Variants in COL8A1 observed in about 807,000 individuals in gnomAD.
COL8A1 encodes collagen alpha-1(VIII) chain.
A neutral mutation model predicts 42.7 loss-of-function variants in COL8A1; 21 were observed. The observed-to-expected ratio is 0.49, with a 90% confidence interval of 0.35 to 0.71. COL8A1 has a LOEUF of 0.71. Among genes scored for constraint, COL8A1 ranks in the 30% least tolerant of loss-of-function variants. The probability of loss-of-function intolerance (pLI) is 0.01; values close to 1 mark genes in which losing one functional copy is unlikely to be tolerated. For synonymous variants in COL8A1, 367 were observed against 369.1 expected, an observed-to-expected ratio of 0.99 and a Z score of 0.06; for missense variants, 788 against 962.4, an observed-to-expected ratio of 0.82 and a Z score of 2.40.
At chr3:99,686,322 G>A (rs1648828345) in intron 1 of COL8A1, among the ~76,000 whole-genome samples, 1 of 152,122 alleles carries the variant, frequency 6.6e-6, no homozygotes, top group South Asian at 2.1e-4. Context: ...AACAATGTAT[G>A]AAAACAAAGA....
chr3:99,764,789 A>G (rs1054451506), intron 2 of COL8A1, among the ~76,000 whole-genome samples: 51 of 140,666 alleles, frequency 3.6e-4, no homozygotes, highest in Middle Eastern at 8.5e-3. Flanking sequence ...CAACCTCTGC[A>G]GTCAGGCAGA....
At chr3:99,785,235 A>G (rs1347559994) in intron 2 of COL8A1, among the ~76,000 whole-genome samples, 1 of 152,214 alleles carries the variant, frequency 6.6e-6, no homozygotes, top group Non-Finnish European at 1.5e-5. Flanking sequence ...GCTTTCTGTC[A>G]ACAACCTCTG....
At chr3:99,727,789 C>T (rs1424718949) in intron 1 of COL8A1, among the ~76,000 whole-genome samples, 2 of 151,948 alleles carry the variant, frequency 1.3e-5, no homozygotes, top group Non-Finnish European at 2.9e-5. Flanking sequence ...AAAGCTTATC[C>T]ACCATGATCA....
chr3:99,727,407 C>T (rs1174425993), intron 1 of COL8A1, among the ~76,000 whole-genome samples: 1 of 152,086 alleles, frequency 6.6e-6, no homozygotes, highest in African/African-American at 2.4e-5. Flanking sequence ...CCCTTTATTT[C>T]CTTCTCCTGC....
At chr3:99,737,430 C>A (rs1043902656) in intron 1 of COL8A1, among the ~76,000 whole-genome samples, 1 of 151,936 alleles carries the variant, frequency 6.6e-6, no homozygotes, top group Non-Finnish European at 1.5e-5. Flanking sequence ...CTGGTGGTGA[C>A]AAAATCTCCA....
At chr3:99,729,403 G>C (rs1227755626) in intron 1 of COL8A1, among the ~76,000 whole-genome samples, 1 of 151,764 alleles carries the variant, frequency 6.6e-6, no homozygotes, top group Non-Finnish European at 1.5e-5. Flanking sequence ...ATTTAGGTTT[G>C]GCTTCTTTGA....
At chr3:99,775,426 A>T (rs561248220) in intron 2 of COL8A1, among the ~76,000 whole-genome samples, 1 of 152,302 alleles carries the variant, frequency 6.6e-6, no homozygotes, top group African/African-American at 2.4e-5. Context: ...AGCCTTGCCA[A>T]TGACCAGGAT....
intron 1 of COL8A1, among the ~76,000 whole-genome samples, chr3:99,647,829 A>G (rs932578350): frequency 2.0e-5 from 3 of 152,184 alleles, no homozygotes; most frequent in Non-Finnish European, 4.4e-5. Context: ...TTACTGAATG[A>G]GGAATTACTT....
At chr3:99,731,117 G>A (rs1030677430) in intron 1 of COL8A1, among the ~76,000 whole-genome samples, 1 of 151,932 alleles carries the variant, frequency 6.6e-6, no homozygotes, top group African/African-American at 2.4e-5. Flanking sequence ...GAGTAGTTGG[G>A]GAGAGAAGAA....
chr3:99,650,317 A>G (rs1937802278), intron 1 of COL8A1, among the ~76,000 whole-genome samples: 1 of 152,266 alleles, frequency 6.6e-6, no homozygotes. Context: ...ACTGTATTGA[A>G]TAAGTCAGGA....
At chr3:99,671,320 A>C (rs1339862146) in intron 1 of COL8A1, among the ~76,000 whole-genome samples, 5 of 151,994 alleles carry the variant, frequency 3.3e-5, no homozygotes, top group African/African-American at 4.8e-5. Context: ...TAAGGTAGAA[A>C]ACTTAATGCT....
chr3:99,751,839 A>G (rs557391478), intron 2 of COL8A1, among the ~76,000 whole-genome samples: 2 of 152,302 alleles, frequency 1.3e-5, no homozygotes, highest in African/African-American at 4.8e-5. Context: ...TTCATTCATT[A>G]CTCAGCTTCC....
intron 3 of COL8A1, among the ~76,000 whole-genome samples, chr3:99,791,713 C>T (rs1942004460): frequency 6.6e-6 from 1 of 152,122 alleles, no homozygotes. Flanking sequence ...TGCATCAGAG[C>T]AGCAATTACC....
intron 2 of COL8A1, among the ~76,000 whole-genome samples, chr3:99,761,148 G>A (rs1029157458): frequency 6.6e-6 from 1 of 152,168 alleles, no homozygotes; most frequent in African/African-American, 2.4e-5. Context: ...GAATAAACTT[G>A]AGGGGTAGAC....
chr3:99,765,203 A>T (rs1941439670), intron 2 of COL8A1, among the ~76,000 whole-genome samples: 1 of 152,180 alleles, frequency 6.6e-6, no homozygotes, highest in Non-Finnish European at 1.5e-5. Flanking sequence ...TTATCAGCTG[A>T]TTCACTATTC....
chr3:99,732,032 C>G (rs531590988), intron 1 of COL8A1, among the ~76,000 whole-genome samples: 3 of 152,242 alleles, frequency 2.0e-5, no homozygotes, highest in East Asian at 1.9e-4. Flanking sequence ...GAATTCTTTT[C>G]TAGAACCCTC....
chr3:99,700,512 T>G (rs770307330), intron 1 of COL8A1, among the ~76,000 whole-genome samples: 95 of 152,202 alleles, frequency 6.2e-4, no homozygotes, highest in Non-Finnish European at 5.3e-4. Flanking sequence ...TCTCACCACC[T>G]TCTACTGTGA....
chr3:99,657,675 G>A (rs1224158106), intron 1 of COL8A1, among the ~76,000 whole-genome samples: 1 of 152,128 alleles, frequency 6.6e-6, no homozygotes, highest in East Asian at 1.9e-4. Context: ...ATACAGTAGA[G>A]GAGCTATTTA....
rs370855024 is a variant in COL8A1, at chr3:99,795,696, C to G, written c.1795C>G (p.His599Asp). ...GGGAATTGATGGCGTGAAACCCCCC[C>G]ATGCCTACGGGGCTAAGAAAGGCAA... The part of the protein sequence containing the change: ...GLGIDGVKPP[H>D]AYGAKKGKNG... Residue 599 changes from histidine (H) to aspartate (D), a missense_variant, in exon 4 of 4, where the codon CAT becomes GAT. Physicochemically the swap from His to Asp is moderately conservative, Grantham distance 81. Transcript: ENST00000652472. 1.4e-5 allele frequency: 23 copies of G among 1,614,022 alleles called. No individual in the cohort carries two copies. The highest frequency in any genetic ancestry group is 1.8e-5 in the Non-Finnish European group (21 of 1,180,034).
Sources: gnomAD v4.1 joint callset for allele counts (sites outside exome capture counted in the v4.1 genomes callset) on GRCh38, gnomAD v4.1.1 for gene constraint, MANE v1.5 for transcripts, NCBI Gene and HGNC (gene_info 2026-07-23, HGNC 2026-07-21) for gene names.